The following CDH13 variants were observed in gnomAD, a reference collection of about 807,000 sequenced individuals.
CDH13 encodes cadherin-13.
CDH13 carries 24 observed loss-of-function variants against 63.8 expected under a neutral mutation model. That is an observed-to-expected ratio of 0.38 (90% confidence interval 0.27 to 0.53). The LOEUF (loss-of-function observed/expected upper bound fraction) is 0.53. Among genes scored for constraint, CDH13 ranks in the 20% least tolerant of loss-of-function variants. The pLI is 0.85. For synonymous variants in CDH13, 503 were observed against 355.3 expected, an observed-to-expected ratio of 1.42 and a Z score of -4.67; for missense variants, 1,049 against 903.1, an observed-to-expected ratio of 1.16 and a Z score of -2.07.
At chr16:83,517,648 G>T (rs536296145) in intron 7 of CDH13, among the ~76,000 whole-genome samples, 41 of 152,302 alleles carry the variant, frequency 2.7e-4, no homozygotes, top group Non-Finnish European at 5.3e-4. Flanking sequence ...AAGTTCCTTT[G>T]TTTGTTGCAG....
chr16:83,760,446 C>G (rs1913872095), intron 11 of CDH13, among the ~76,000 whole-genome samples: 1 of 152,144 alleles, frequency 6.6e-6, no homozygotes, highest in Non-Finnish European at 1.5e-5. Flanking sequence ...ATCCAGATGC[C>G]CAGCAAAAGT....
At chr16:83,021,617 A>G (rs7206677) in intron 2 of CDH13, among the ~76,000 whole-genome samples, 65,855 of 152,052 alleles carry the variant, frequency 0.43, 14,651 homozygotes, top group Admixed American at 0.47. Flanking sequence ...ATTCATTATG[A>G]TATCTTCTGC....
At chr16:82,854,240 A>T (rs1002036712) in intron 1 of CDH13, among the ~76,000 whole-genome samples, 2 of 152,084 alleles carry the variant, frequency 1.3e-5, no homozygotes, top group Non-Finnish European at 2.9e-5. Flanking sequence ...TCTACTAAAA[A>T]AATACAGAAA....
intron 1 of CDH13, among the ~76,000 whole-genome samples, chr16:82,815,142 G>A (rs2037643453): frequency 6.6e-6 from 1 of 152,052 alleles, no homozygotes; most frequent in African/African-American, 2.4e-5. Context: ...ATGCACAGTA[G>A]GGTACTTAGA....
chr16:83,478,258 G>A (rs1469091749), intron 6 of CDH13, among the ~76,000 whole-genome samples: 2 of 152,042 alleles, frequency 1.3e-5, no homozygotes, highest in African/African-American at 4.8e-5. Flanking sequence ...GCCTGAGGCA[G>A]GAGGCACACG....
intron 11 of CDH13, among the ~76,000 whole-genome samples, chr16:83,773,748 G>T (rs1032220118): frequency 5.3e-5 from 8 of 152,164 alleles, no homozygotes; most frequent in Non-Finnish European, 8.8e-5. Flanking sequence ...TAGGAGGTAA[G>T]GAAGTTCTTC....
intron 7 of CDH13, among the ~76,000 whole-genome samples, chr16:83,553,546 T>G (rs1002444688): frequency 5.3e-5 from 8 of 151,858 alleles, no homozygotes; most frequent in Non-Finnish European, 8.8e-5. Flanking sequence ...AAGTGATGGG[T>G]TTTTTTTGTT....
intron 5 of CDH13, among the ~76,000 whole-genome samples, chr16:83,248,082 G>T (rs1356327511): frequency 6.6e-6 from 1 of 152,154 alleles, no homozygotes; most frequent in African/African-American, 2.4e-5. Context: ...GGTCCCTCCT[G>T]ATCAGCGGGG....
intron 10 of CDH13, among the ~76,000 whole-genome samples, chr16:83,746,164 G>A (rs1035888930): frequency 3.9e-5 from 6 of 152,202 alleles, no homozygotes; most frequent in Admixed American, 3.9e-4. Context: ...CAGTTCTGGA[G>A]GACAGAAGTC....
chr16:82,962,036 G>T (rs1907095649), intron 2 of CDH13, among the ~76,000 whole-genome samples: 1 of 152,204 alleles, frequency 6.6e-6, no homozygotes, highest in Admixed American at 6.5e-5. Flanking sequence ...TAGATGCTAT[G>T]ACATGTGGCC....
chr16:83,003,131 TA>T (rs1460115938), intron 2 of CDH13, among the ~76,000 whole-genome samples: 7 of 152,210 alleles, frequency 4.6e-5, no homozygotes, highest in African/African-American at 1.7e-4. Flanking sequence ...ATGACTTATG[TA>T]AATATTTATC....
intron 6 of CDH13, among the ~76,000 whole-genome samples, chr16:83,396,431 G>T (rs1364841822): frequency 2.0e-5 from 3 of 152,180 alleles, no homozygotes; most frequent in Admixed American, 1.3e-4. Flanking sequence ...ACTTCCAGGA[G>T]ATTTGGAAGG....
At chr16:83,651,185 G>T (rs1598415463) in intron 8 of CDH13, among the ~76,000 whole-genome samples, 1 of 152,250 alleles carries the variant, frequency 6.6e-6, no homozygotes, top group East Asian at 1.9e-4. Flanking sequence ...ATAACAAGGG[G>T]ACTTTCTATT....
At chr16:83,471,279 T>TC (rs1164992689) in intron 6 of CDH13, among the ~76,000 whole-genome samples, 1 of 149,434 alleles carries the variant, frequency 6.7e-6, no homozygotes, top group African/African-American at 2.5e-5. Flanking sequence ...ACCACCCTTT[T>TC]TTTTTTTTTT....
At chr16:83,670,641 G>A (rs1469858985) in intron 8 of CDH13, 149 bp from the exon 9 acceptor site, 12 of 746,292 alleles carry the variant, frequency 1.6e-5, no homozygotes, top group Non-Finnish European at 2.7e-5. Context: ...AAGCTGAGAA[G>A]AAGAGCATAG....
At chr16:83,536,172 C>G (rs1040778281) in intron 7 of CDH13, among the ~76,000 whole-genome samples, 1 of 152,178 alleles carries the variant, frequency 6.6e-6, no homozygotes, top group Non-Finnish European at 1.5e-5. Flanking sequence ...TGAGCCAAAA[C>G]TATGATAGCG....
intron 2 of CDH13, among the ~76,000 whole-genome samples, chr16:82,958,392 G>T (rs920719198): frequency 1.3e-5 from 2 of 152,182 alleles, no homozygotes; most frequent in Non-Finnish European, 2.9e-5. Flanking sequence ...AGAGGATGCG[G>T]TGAAGAAAAA....
At chr16:83,109,554 G>A (rs1299989758) in intron 3 of CDH13, among the ~76,000 whole-genome samples, 3 of 152,084 alleles carry the variant, frequency 2.0e-5, no homozygotes, top group Non-Finnish European at 4.4e-5. Flanking sequence ...TTCCAAGTGC[G>A]GGTTTTCTAA....
At chr16:83,393,947 G>A (rs1014209861) in intron 6 of CDH13, among the ~76,000 whole-genome samples, 5 of 152,216 alleles carry the variant, frequency 3.3e-5, no homozygotes, top group Admixed American at 6.5e-5. Flanking sequence ...TCCTGTGCAG[G>A]AACATGGATG....
Sources: allele counts gnomAD v4.1 joint callset (sites outside exome capture counted in the v4.1 genomes callset), GRCh38; gene constraint gnomAD v4.1.1; transcripts MANE v1.5; gene names NCBI Gene and HGNC (gene_info 2026-07-23, HGNC 2026-07-21).